Variants in KHDC1 observed in about 807,000 individuals in gnomAD.
The protein encoded by KHDC1 is KH homology domain-containing protein 1.
Under a neutral mutation model 24.7 loss-of-function variants are expected in KHDC1, and 21 were observed. The ratio of observed to expected loss-of-function variants is 0.85; its 90% CI spans 0.60 to 1.23. KHDC1 has a LOEUF of 1.23. KHDC1 is among the 50% of genes most tolerant of loss of function. KHDC1 has a pLI of 0.00. For missense variants in KHDC1, 274 were observed against 298.5 expected, an observed-to-expected ratio of 0.92 and a Z score of 0.61; for synonymous variants, 98 against 111.7, an observed-to-expected ratio of 0.88 and a Z score of 0.77.
exon 3 of KHDC1, chr6:73,242,441 A>C: frequency 6.2e-7 from 1 of 1,614,164 alleles, no homozygotes. Context: ...TTCCATGTGA[A>C]ACACCATTGG....
intron 2 of KHDC1, among the ~76,000 whole-genome samples, chr6:73,282,500 A>G (rs970072645): frequency 1.3e-5 from 2 of 152,158 alleles, no homozygotes; most frequent in Admixed American, 1.3e-4. Context: ...AGATGATAAC[A>G]GCCCTTTCCC....
At chr6:73,306,606 G>T (rs1012134608) in intron 1 of KHDC1, among the ~76,000 whole-genome samples, 4 of 151,858 alleles carry the variant, frequency 2.6e-5, no homozygotes, top group African/African-American at 9.7e-5. Context: ...GCCCTCATCT[G>T]ACTGGACTGC....
intron 2 of KHDC1, among the ~76,000 whole-genome samples, chr6:73,282,815 C>T (rs1462692410): frequency 6.6e-6 from 1 of 152,154 alleles, no homozygotes; most frequent in African/African-American, 2.4e-5. Flanking sequence ...AATCAACACT[C>T]GACACACTGT....
At chr6:73,278,377 T>A (rs1052215399) in intron 2 of KHDC1, among the ~76,000 whole-genome samples, 3 of 151,874 alleles carry the variant, frequency 2.0e-5, no homozygotes, top group Non-Finnish European at 2.9e-5. Context: ...TTCTTACTAG[T>A]CTACAACAAC....
chr6:73,257,021 G>A lies in KHDC1; in HGVS notation c.207-14491C>T, dbSNP rs1021119510. 1.5e-4 allele frequency among the ~76,000 whole-genome samples: 23 copies of A among 152,250 alleles called. No homozygotes were observed. The East Asian group carries it at 3.3e-3, about 22-fold the overall frequency. The stretch of plus-strand genomic sequence containing the variant: ...TTAAAAGGCATGGCCAGTGGGGCAC[G>A]GTGGCTCAAACCTGTAATCCTAACA... On this transcript the variant is annotated intron_variant, in intron 2 of 4. Transcript: ENST00000370384.
At chr6:73,297,920 C>G (rs1318477439) in intron 1 of KHDC1, among the ~76,000 whole-genome samples, 1 of 152,096 alleles carries the variant, frequency 6.6e-6, no homozygotes, top group Non-Finnish European at 1.5e-5. Context: ...GGTGTCCTAG[C>G]AAAAATCTCC....
rs796392260 is a variant in KHDC1, at chr6:73,252,808, C to T, written c.207-10278G>A. On this transcript the variant is annotated intron_variant, in intron 2 of 4. Coordinates refer to ENST00000370384, the Ensembl canonical transcript of KHDC1. ...CTGCTGCCTGGGCAACAGAGTGAGA[C>T]TCTACCTCAAAAAAAAAAAAAAATT... Among the ~76,000 whole-genome samples, 9 of 149,688 alleles carry T rather than the reference C, an allele frequency of 6.0e-5. 1 individual carries two copies. The highest frequency in any genetic ancestry group is 2.6e-4 in the Admixed American group (4 of 15,150).
At chr6:73,249,784 C>G (rs1414545683) in intron 2 of KHDC1, among the ~76,000 whole-genome samples, 2 of 151,996 alleles carry the variant, frequency 1.3e-5, no homozygotes, top group Non-Finnish European at 2.9e-5. Flanking sequence ...GGGTCTTGCC[C>G]TATTACCCAG....
exon 3 of KHDC1, chr6:73,242,473 G>A (rs1229871560): frequency 1.2e-6 from 2 of 1,614,118 alleles, no homozygotes; most frequent in East Asian, 4.5e-5. Context: ...TTTGAGGCAG[G>A]GTCCACCACG....
chr6:73,258,829 G>A (rs2150563964), intron 2 of KHDC1, among the ~76,000 whole-genome samples: 1 of 152,332 alleles, frequency 6.6e-6, no homozygotes, highest in Admixed American at 6.5e-5. Flanking sequence ...GTGCCTGAGT[G>A]CAAGGCTGTG....
intron 2 of KHDC1, among the ~76,000 whole-genome samples, chr6:73,279,245 A>G (rs1033295691): frequency 6.6e-6 from 1 of 152,126 alleles, no homozygotes; most frequent in African/African-American, 2.4e-5. Flanking sequence ...CGTCTCTACT[A>G]AAAATACAAA....
intron 1 of KHDC1, among the ~76,000 whole-genome samples, chr6:73,308,295 TG>T (rs917365110): frequency 1.3e-5 from 2 of 151,930 alleles, no homozygotes; most frequent in African/African-American, 2.4e-5. Context: ...AGGGTGGTCT[TG>T]ATCCCCTGAC....
intron 1 of KHDC1, among the ~76,000 whole-genome samples, chr6:73,301,635 AT>A (rs924928468): frequency 6.0e-5 from 9 of 150,788 alleles, no homozygotes; most frequent in South Asian, 2.1e-4. Flanking sequence ...GGTTTTTTAA[AT>A]TTTTTTTTTC....
chr6:73,264,406 G>A (rs1197316815), intron 2 of KHDC1, among the ~76,000 whole-genome samples: 2 of 152,184 alleles, frequency 1.3e-5, no homozygotes, highest in Admixed American at 1.3e-4. Flanking sequence ...CTATCAGCTA[G>A]TTCAGACACA....
chr6:73,281,925 A>G (rs1767421068), intron 2 of KHDC1, among the ~76,000 whole-genome samples: 1 of 151,914 alleles, frequency 6.6e-6, no homozygotes, highest in South Asian at 2.1e-4. Context: ...ATATTTTAAG[A>G]TGCCACTCTA....
intron 2 of KHDC1, chr6:73,291,905 C>A: frequency 7.1e-7 from 1 of 1,399,862 alleles, no homozygotes; most frequent in Non-Finnish European, 9.9e-7. Flanking sequence ...ACATGCACCT[C>A]CTGAATCTAT....
chr6:73,276,553 TC>T (rs1767303790), intron 2 of KHDC1: 1 of 151,262 alleles, frequency 6.6e-6, no homozygotes, highest in African/African-American at 2.4e-5. Context: ...TGTTGCCCCT[TC>T]TAATTGGAAG....
chr6:73,309,930 C>G (rs1401682248), exon 1 of KHDC1: 2 of 521,146 alleles, frequency 3.8e-6, no homozygotes, highest in Non-Finnish European at 6.6e-6. Context: ...GAAGTGGGCA[C>G]GGGACCACAT....
At chr6:73,292,335 A>G in intron 1 of KHDC1, 1 of 898,370 alleles carries the variant, frequency 1.1e-6, no homozygotes, top group Non-Finnish European at 1.9e-6. Flanking sequence ...GGTTTTAGGC[A>G]GGAGTATTTA....
Sources: allele counts gnomAD v4.1 joint callset (sites outside exome capture counted in the v4.1 genomes callset), GRCh38; gene constraint gnomAD v4.1.1; transcripts MANE v1.5; gene names NCBI Gene and HGNC (gene_info 2026-07-23, HGNC 2026-07-21).